The following WWOX variants were observed in gnomAD, a reference collection of about 807,000 sequenced individuals.
WWOX encodes the protein WW domain containing oxidoreductase, also known as WW domain-containing oxidoreductase.
Under a neutral mutation model 46.2 loss-of-function variants are expected in WWOX, and 69 were observed. That is an observed-to-expected ratio of 1.49 (90% CI 1.23 to 1.82). The LOEUF is 1.82. WWOX is among the 40% of genes most tolerant of loss of function. The pLI, the probability that WWOX is intolerant of heterozygous loss-of-function variation, is 0.00. For missense variants in WWOX, 919 were observed against 542.6 expected, an observed-to-expected ratio of 1.69 and a Z score of -6.89; for synonymous variants, 359 against 202.6, an observed-to-expected ratio of 1.77 and a Z score of -6.56.
chr16:78,165,595 A>G (rs548148792), intron 5 of WWOX, among the ~76,000 whole-genome samples: 28 of 152,236 alleles, frequency 1.8e-4, no homozygotes, highest in African/African-American at 6.3e-4. Flanking sequence ...AGGAGGAGAT[A>G]GAGCAGCGTG....
chr16:78,672,693 C>T (rs1028338215), intron 8 of WWOX, among the ~76,000 whole-genome samples: 4 of 152,148 alleles, frequency 2.6e-5, no homozygotes, highest in Admixed American at 2.0e-4. Context: ...ATTTTAAAAA[C>T]GGGAATGACC....
intron 4 of WWOX, among the ~76,000 whole-genome samples, chr16:78,155,071 G>A (rs960693598): frequency 6.6e-6 from 1 of 152,154 alleles, no homozygotes; most frequent in Non-Finnish European, 1.5e-5. Flanking sequence ...CCCCAGTGGT[G>A]TAAGCTTTTT....
intron 6 of WWOX, among the ~76,000 whole-genome samples, chr16:78,405,421 CAT>C (rs1184738086): frequency 6.6e-6 from 1 of 152,174 alleles, no homozygotes; most frequent in Admixed American, 6.5e-5. Context: ...AAATTGTCGA[CAT>C]GTGACGGTCC....
At chr16:78,340,023 G>T (rs1178226118) in intron 5 of WWOX, among the ~76,000 whole-genome samples, 1 of 47,478 alleles carries the variant, frequency 2.1e-5, no homozygotes, top group East Asian at 4.0e-4. Context: ...TTGGTGGGGG[G>T]GGGGGGGACG....
chr16:78,345,536 C>T (rs551383404), intron 5 of WWOX, among the ~76,000 whole-genome samples: 5 of 65,782 alleles, frequency 7.6e-5, no homozygotes, highest in South Asian at 4.9e-4. Flanking sequence ...CCCATCTACT[C>T]GGGAGGCTGA....
intron 8 of WWOX, among the ~76,000 whole-genome samples, chr16:78,797,403 A>G (rs1481824494): frequency 6.6e-6 from 1 of 150,658 alleles, no homozygotes; most frequent in East Asian, 2.0e-4. Context: ...ATAAAAAGGC[A>G]GCCCCGACAG....
chr16:78,918,407 C>G (rs1035382004), intron 8 of WWOX, among the ~76,000 whole-genome samples: 3 of 151,994 alleles, frequency 2.0e-5, no homozygotes, highest in Non-Finnish European at 2.9e-5. Context: ...TGGCTTCTTA[C>G]CTAGGTCGTG....
At position 78,773,129 on chromosome 16, in the gene WWOX, A is replaced by T. The variant is rs145394854; in HGVS notation, c.1056+340377A>T. ...AGTGAGTGGCTAGATTGTAAGCTTC[A>T]TGAGGGCAGGGGACTTTGACGATTT... On this transcript the variant is annotated intron_variant, in intron 8 of 8. Coordinates refer to ENST00000566780, the MANE Select transcript of WWOX (RefSeq NM_016373.4). Among the ~76,000 whole-genome samples the T allele has an allele frequency of 4.6e-5, 7 of 152,330 alleles. No individual in the cohort carries two copies. The East Asian group carries it at 9.6e-4, about 21-fold the overall frequency.
chr16:79,193,978 C>A (rs1057199595), intron 8 of WWOX, among the ~76,000 whole-genome samples: 1 of 151,676 alleles, frequency 6.6e-6, no homozygotes, highest in African/African-American at 2.4e-5. Context: ...TAGATTTGCA[C>A]ATGTTGCTGG....
chr16:79,052,733 C>G (rs1169037940), intron 8 of WWOX, among the ~76,000 whole-genome samples: 2 of 152,200 alleles, frequency 1.3e-5, no homozygotes, highest in East Asian at 1.9e-4. Context: ...CATGGCAAAA[C>G]TGCTGGCGAG....
At chr16:78,444,532 C>CTT (rs749332062) in intron 8 of WWOX, among the ~76,000 whole-genome samples, 4,334 of 136,736 alleles carry the variant, frequency 0.032, 139 homozygotes, top group African/African-American at 0.083. Context: ...AGGAGCAATT[C>CTT]TTTTTTTTTT....
chr16:78,244,518 C>T (rs548685565), intron 5 of WWOX, among the ~76,000 whole-genome samples: 13 of 152,254 alleles, frequency 8.5e-5, no homozygotes, highest in African/African-American at 2.9e-4. Context: ...ATTGCATCTC[C>T]CCAAGATTTT....
At chr16:78,777,784 C>T (rs985897123) in intron 8 of WWOX, among the ~76,000 whole-genome samples, 1 of 152,102 alleles carries the variant, frequency 6.6e-6, no homozygotes, top group Non-Finnish European at 1.5e-5. Flanking sequence ...TGGTGGCTCA[C>T]GCCTGTAATC....
At chr16:78,447,906 C>G (rs1169536744) in intron 8 of WWOX, among the ~76,000 whole-genome samples, 3 of 152,126 alleles carry the variant, frequency 2.0e-5, no homozygotes, top group Non-Finnish European at 4.4e-5. Flanking sequence ...TGGGTTTAAT[C>G]GATCCTCCTG....
intron 8 of WWOX, among the ~76,000 whole-genome samples, chr16:78,545,976 C>T (rs1197991312): frequency 1.3e-5 from 2 of 152,130 alleles, no homozygotes; most frequent in East Asian, 1.9e-4. Flanking sequence ...AATACAGTCA[C>T]ATGGAGGGTT....
At chr16:78,470,427 A>T (rs2084193652) in intron 8 of WWOX, among the ~76,000 whole-genome samples, 1 of 152,302 alleles carries the variant, frequency 6.6e-6, no homozygotes. Flanking sequence ...TTTGGAGATA[A>T]CCAGAAATAA....
At chr16:78,893,321 A>C (rs1237652090) in intron 8 of WWOX, among the ~76,000 whole-genome samples, 1 of 152,154 alleles carries the variant, frequency 6.6e-6, no homozygotes, top group African/African-American at 2.4e-5. Flanking sequence ...GAAAAATACC[A>C]GTCCTTTCGC....
intron 8 of WWOX, among the ~76,000 whole-genome samples, chr16:78,780,970 G>C (rs1254866687): frequency 6.6e-6 from 1 of 152,154 alleles, no homozygotes; most frequent in South Asian, 2.1e-4. Context: ...GTCACCTTGG[G>C]GCCAGCCTGC....
At chr16:78,998,331 G>T (rs899781073) in intron 8 of WWOX, among the ~76,000 whole-genome samples, 2 of 152,190 alleles carry the variant, frequency 1.3e-5, no homozygotes, top group African/African-American at 4.8e-5. Flanking sequence ...TGGGCTCTGA[G>T]CTTCTTGAGT....
Sources: allele counts gnomAD v4.1 joint callset (sites outside exome capture counted in the v4.1 genomes callset), GRCh38; gene constraint gnomAD v4.1.1; transcripts MANE v1.5; gene names NCBI Gene and HGNC (gene_info 2026-07-23, HGNC 2026-07-21).